The following ASB17 variants were observed in gnomAD, a reference collection of about 807,000 sequenced individuals.
ASB17 encodes ankyrin repeat and SOCS box containing 17, also known as ankyrin repeat and SOCS box protein 17.
A neutral mutation model predicts 25.7 loss-of-function variants in ASB17; 26 were observed. The observed-to-expected ratio is 1.01, with a 90% CI of 0.74 to 1.40. The LOEUF is 1.40. Ranked by LOEUF, ASB17 falls within the 40% of genes most tolerant of loss-of-function variation. The probability of loss-of-function intolerance (pLI) is 0.00; values close to 1 mark genes in which losing one functional copy is unlikely to be tolerated. For synonymous variants in ASB17, 128 were observed against 121.4 expected, an observed-to-expected ratio of 1.05 and a Z score of -0.36; for missense variants, 326 against 338.5, an observed-to-expected ratio of 0.96 and a Z score of 0.29.
At chr1:75,921,411 A>G (rs1653023796) in intron 2 of ASB17, among the ~76,000 whole-genome samples, 1 of 152,128 alleles carries the variant, frequency 6.6e-6, no homozygotes, top group South Asian at 2.1e-4. Flanking sequence ...ATTGGTTTAA[A>G]TTTATAGGGG....
At chr1:75,927,463 C>T (rs1337820785) in intron 1 of ASB17, among the ~76,000 whole-genome samples, 1 of 152,124 alleles carries the variant, frequency 6.6e-6, no homozygotes, top group Non-Finnish European at 1.5e-5. Context: ...CCCACTGCTA[C>T]TGTTTTAGTT....
chr1:75,919,485 A>G (rs1335857851), intron 2 of ASB17, among the ~76,000 whole-genome samples: 2 of 152,054 alleles, frequency 1.3e-5, no homozygotes, highest in African/African-American at 4.8e-5. Context: ...TGCTGCACCC[A>G]TTAACTCGTC....
chr1:75,918,873 T>G lies in ASB17; in HGVS notation c.*79A>C. On this transcript the variant is annotated 3_prime_UTR_variant, in exon 3 of 3. Coordinates refer to ENST00000284142, the MANE Select transcript of ASB17 (RefSeq NM_080868.3). The stretch of plus-strand genomic sequence containing the variant: ...AATGAATGTTTAATGCAATAAAAAC[T>G]TACATGAAGTGAATTTTTATTAACT... The G allele has an allele frequency of 8.5e-7, 1 of 1,178,650 alleles. No individual in the cohort carries two copies. Among genetic ancestry groups the G allele is most frequent in the East Asian group, 2.4e-5 (1 of 42,206 alleles). The allele number at this position is 1,178,650 out of a possible 1,614,324, so 73.0% of individuals were successfully genotyped here.
intron 1 of ASB17, among the ~76,000 whole-genome samples, chr1:75,925,301 T>C (rs931936360): frequency 3.3e-5 from 5 of 152,042 alleles, no homozygotes; most frequent in African/African-American, 1.2e-4. Flanking sequence ...CTTAAGAAAA[T>C]ATTTGACTTA....
In ASB17 at chr1:75,931,877, T is replaced by C. The variant is rs764007757; in HGVS notation, c.401+14A>G. On this transcript the variant is annotated intron_variant, in intron 1 of 2. Transcript: ENST00000284142. ...ATTTTCTTGTTCTATAGTGAAAACA[T>C]ATGAAATTATTACCTCCATATCAGT... is the stretch of plus-strand genomic sequence containing the variant. The C allele has an allele frequency of 6.4e-7, 1 of 1,551,596 alleles. No individual in the cohort carries two copies. The highest frequency in any genetic ancestry group is 1.2e-5 in the South Asian group (1 of 80,142).
intron 1 of ASB17, among the ~76,000 whole-genome samples, chr1:75,930,110 G>T (rs1443130582): frequency 6.6e-6 from 1 of 150,736 alleles, no homozygotes; most frequent in Non-Finnish European, 1.5e-5. Flanking sequence ...GATTTTGAGA[G>T]TCATTGGCAT....
At chr1:75,931,688 A>T (rs1310751295) in intron 1 of ASB17, among the ~76,000 whole-genome samples, 1 of 152,096 alleles carries the variant, frequency 6.6e-6, no homozygotes, top group Non-Finnish European at 1.5e-5. Flanking sequence ...CTAATGATTT[A>T]TTGGTACATA....
At chr1:75,929,209 T>A (rs1689272) in intron 1 of ASB17, among the ~76,000 whole-genome samples, 34,358 of 151,248 alleles carry the variant, frequency 0.23, 4,017 homozygotes, top group Middle Eastern at 0.3. Flanking sequence ...TTTTATTTTT[T>A]TTTATTTATT....
intron 2 of ASB17, among the ~76,000 whole-genome samples, chr1:75,921,119 C>T (rs1571012533): frequency 6.6e-6 from 1 of 152,080 alleles, no homozygotes; most frequent in Non-Finnish European, 1.5e-5. Flanking sequence ...GAATAGCATT[C>T]ATGGAACTGG....
chr1:75,932,369 G>A lies in ASB17; in HGVS notation c.-78C>T. ...TCCTCCAGTTACATATTTTGACAAT[G>A]TGGCAGGCTTTACTCCACAAACAGA... On this transcript the variant is annotated 5_prime_UTR_variant, in exon 1 of 3. Coordinates refer to ENST00000284142, the MANE Select transcript of ASB17 (RefSeq NM_080868.3). The A allele has an allele frequency of 1.5e-6, 2 of 1,356,648 alleles. No individual in the cohort carries two copies. The highest frequency in any genetic ancestry group is 2.0e-6 in the Non-Finnish European group (2 of 997,320). The allele number at this position is 1,356,648 out of a possible 1,614,324, so 84.0% of individuals were successfully genotyped here.
intron 1 of ASB17, among the ~76,000 whole-genome samples, chr1:75,930,489 G>A (rs921897143): frequency 2.2e-4 from 34 of 151,772 alleles, no homozygotes; most frequent in African/African-American, 8.0e-4. Context: ...TCGACCAGTT[G>A]CTGTCCAGGG....
At position 75,922,376 on chromosome 1, in the gene ASB17, AC is replaced by A. The variant is rs1198415749; in HGVS notation, c.402-18del. 12 of 1,531,654 alleles carry A rather than the reference AC, an allele frequency of 7.8e-6. No individual in the cohort carries two copies. The highest frequency in any genetic ancestry group is 2.8e-5 in the African/African-American group (2 of 72,618). 94.9% of individuals were successfully genotyped at this position (1,531,654 alleles called of 1,614,324 possible). A position where few individuals can be genotyped will look rare whatever the true frequency, so the allele number is the denominator to read the frequency against. ...GTGAAAGTTCTGTGAATTAAACAAA[AC>A]AAAAACTCATTGGATATAGAATTAA... is the stretch of plus-strand genomic sequence containing the variant. On this transcript the variant is annotated intron_variant, in intron 1 of 2. Transcript: ENST00000284142.
chr1:75,927,483 A>G (rs1280736681), intron 1 of ASB17, among the ~76,000 whole-genome samples: 1 of 152,158 alleles, frequency 6.6e-6, no homozygotes, highest in Non-Finnish European at 1.5e-5. Context: ...TTAAGTTCTC[A>G]TAATTTGCCT....
In ASB17 at chr1:75,922,256, A is replaced by G; in HGVS notation, c.505T>C (p.Tyr169His). 2.5e-6 allele frequency: 4 copies of G among 1,613,320 alleles called. No individual in the cohort carries two copies. Among genetic ancestry groups the G allele is most frequent in the Non-Finnish European group, 3.4e-6 (4 of 1,179,496 alleles). Residue 169 changes from tyrosine (Y) to histidine (H), a missense_variant, in exon 2 of 3, where the codon TAT becomes CAT. Physicochemically the swap from Tyr to His is moderately conservative, Grantham distance 83. Coordinates refer to ENST00000284142, the MANE Select transcript of ASB17 (RefSeq NM_080868.3). ...QSNIFKILLQ[Y>H]GILEREKNPI... ...TTTTTTTCTCTTTCTAAGATTCCAT[A>G]TTGCAGTAGTATTTTGAAGATATTA...
Position 75,918,973 on chromosome 1 carries a change from G to A in ASB17, c.867C>T (p.Asn289=), listed in dbSNP as rs749992986. The A allele has an allele frequency of 1.2e-6, 2 of 1,611,974 alleles. No homozygotes were observed. Among genetic ancestry groups the A allele is most frequent in the Non-Finnish European group, 1.7e-6 (2 of 1,178,276 alleles). Residue 289 remains asparagine, a synonymous_variant, in exon 3 of 3, where the codon AAC becomes AAT. Coordinates refer to ENST00000284142, the MANE Select transcript of ASB17 (RefSeq NM_080868.3). ...TATGTTAGATTTCTAAATTCAGATA[G>A]TTTTGTAGACGAGCAGGAATTAGAA... ...FSLLIPARLQ[N]YLNLEI
rs3037164 is a variant in ASB17 at position 75,922,488 on chromosome 1, CTTTTTTTTTTTTT to C, written c.402-142_402-130del. 4.9e-5 allele frequency: 6 copies of C among 122,360 alleles called. No individual in the cohort carries two copies. In the Admixed American group the frequency reaches 5.0e-4, roughly 10 times the overall value. The allele number at this position is 122,360 out of a possible 1,614,324, so 7.6% of individuals were successfully genotyped here. ...GTCTTAAATGTAACTTTATATGTTT[CTTTTTTTTTTTTT>C]TTTTTTTTTTTTGAGATGGAGTTTC... On this transcript the variant is annotated intron_variant, in intron 1 of 2. Transcript: ENST00000284142.
chr1:75,924,539 CACAT>C (rs1476032822), intron 1 of ASB17, among the ~76,000 whole-genome samples: 1 of 151,914 alleles, frequency 6.6e-6, no homozygotes, highest in Non-Finnish European at 1.5e-5. Flanking sequence ...TATATACACA[CACAT>C]ACACATATAG....
intron 1 of ASB17, among the ~76,000 whole-genome samples, chr1:75,929,391 AT>A (rs34917597): frequency 0.45 from 65,721 of 145,828 alleles, 15,730 homozygotes; most frequent in East Asian, 0.96. Flanking sequence ...CGCCCAGCTA[AT>A]TTTTTTTTTT....
At chr1:75,923,596 C>A (rs931845236) in intron 1 of ASB17, among the ~76,000 whole-genome samples, 2 of 151,958 alleles carry the variant, frequency 1.3e-5, no homozygotes, top group Non-Finnish European at 2.9e-5. Context: ...TCTTGACTGG[C>A]CTAATAAAAT....
Sources: allele counts gnomAD v4.1 joint callset (sites outside exome capture counted in the v4.1 genomes callset), GRCh38; gene constraint gnomAD v4.1.1; transcripts MANE v1.5; gene names NCBI Gene and HGNC (gene_info 2026-07-23, HGNC 2026-07-21).